Variants in TUSC3 observed in about 807,000 individuals in gnomAD.
TUSC3 encodes the protein tumor suppressor candidate 3.
In TUSC3, 45 loss-of-function variants were observed where a neutral mutation model predicts 44.8. The observed-to-expected ratio is 1.00, with a 90% CI of 0.79 to 1.29. The LOEUF (loss-of-function observed/expected upper bound fraction) is 1.29. Ranked by LOEUF, TUSC3 falls within the 50% of genes most tolerant of loss-of-function variation. The pLI is 0.00. For synonymous variants in TUSC3, 212 were observed against 152.9 expected, an observed-to-expected ratio of 1.39 and a Z score of -2.85; for missense variants, 519 against 437.9, an observed-to-expected ratio of 1.19 and a Z score of -1.65.
intron 2 of TUSC3, among the ~76,000 whole-genome samples, chr8:15,503,577 A>G (rs1436385578): frequency 6.6e-6 from 1 of 152,092 alleles, no homozygotes. Context: ...GGTGGCTCAC[A>G]CCTGTAGCCC....
chr8:15,754,099 C>G (rs569776075), intron 9 of TUSC3, among the ~76,000 whole-genome samples: 2 of 152,134 alleles, frequency 1.3e-5, no homozygotes, highest in African/African-American at 4.8e-5. Context: ...GTTTTAAAAA[C>G]TACTCACATC....
chr8:15,630,518 T>C (rs1364765592), intron 2 of TUSC3, among the ~76,000 whole-genome samples: 1 of 152,168 alleles, frequency 6.6e-6, no homozygotes, highest in Non-Finnish European at 1.5e-5. Context: ...ACTCGTTTTA[T>C]AAATGAGAAT....
intron 6 of TUSC3, among the ~76,000 whole-genome samples, chr8:15,688,302 A>C (rs1403493688): frequency 1.3e-5 from 2 of 152,218 alleles, no homozygotes; most frequent in African/African-American, 4.8e-5. Flanking sequence ...AACTCAGAAA[A>C]ATTGTTTTCA....
the TUSC3 span, chr8:15,807,030 A>G: frequency 7.0e-7 from 1 of 1,430,052 alleles, no homozygotes; most frequent in Non-Finnish European, 9.8e-7. Context: ...CAGACCCTGT[A>G]AATCCTGGTT....
At chr8:15,488,063 G>A (rs563718456) in intron 2 of TUSC3, among the ~76,000 whole-genome samples, 13 of 152,064 alleles carry the variant, frequency 8.5e-5, no homozygotes, top group African/African-American at 3.1e-4. Flanking sequence ...TCTATAAAAT[G>A]ATATGCATTT....
intron 6 of TUSC3, among the ~76,000 whole-genome samples, chr8:15,688,113 T>G (rs1056598227): frequency 1.3e-5 from 2 of 152,144 alleles, no homozygotes; most frequent in South Asian, 2.1e-4. Context: ...TTAGGAAAAT[T>G]GTGTAGTACA....
intron 1 of TUSC3, among the ~76,000 whole-genome samples, chr8:15,554,037 G>T (rs1368085803): frequency 6.6e-6 from 1 of 151,474 alleles, no homozygotes; most frequent in African/African-American, 2.4e-5. Context: ...CAAGATCAAG[G>T]TGACCTCAGA....
chr8:15,741,391 G>A (rs1007547479), intron 7 of TUSC3, among the ~76,000 whole-genome samples: 12 of 152,114 alleles, frequency 7.9e-5, no homozygotes, highest in African/African-American at 2.9e-4. Context: ...CATCTTAAAT[G>A]CCATTTATGT....
At chr8:15,756,713 G>C (rs1053555906) in intron 9 of TUSC3, among the ~76,000 whole-genome samples, 1 of 152,122 alleles carries the variant, frequency 6.6e-6, no homozygotes, top group Non-Finnish European at 1.5e-5. Flanking sequence ...TACAAATACA[G>C]TGAGGCTTAT....
intron 5 of TUSC3, among the ~76,000 whole-genome samples, chr8:15,669,135 A>G (rs1436125020): frequency 1.3e-5 from 2 of 151,796 alleles, no homozygotes; most frequent in African/African-American, 4.8e-5. Context: ...GATTAGGGTG[A>G]TAACACATCA....
intron 1 of TUSC3, among the ~76,000 whole-genome samples, chr8:15,479,193 A>G (rs553959553): frequency 1.8e-4 from 27 of 152,294 alleles, no homozygotes; most frequent in Non-Finnish European, 3.5e-4. Flanking sequence ...GACCTTTGTC[A>G]GATGGGTAGA....
intron 2 of TUSC3, among the ~76,000 whole-genome samples, chr8:15,646,793 T>C (rs1158055625): frequency 1.3e-5 from 2 of 152,168 alleles, no homozygotes; most frequent in African/African-American, 4.8e-5. Flanking sequence ...TTCTGTTGTT[T>C]TTAAAAAATA....
intron 1 of TUSC3, among the ~76,000 whole-genome samples, chr8:15,616,861 C>G (rs1805007368): frequency 6.6e-6 from 1 of 152,094 alleles, no homozygotes. Context: ...CGCCGCATGC[C>G]TGGCCCAGCC....
chr8:15,622,309 T>C (rs1275946875), intron 1 of TUSC3, among the ~76,000 whole-genome samples: 1 of 152,156 alleles, frequency 6.6e-6, no homozygotes, highest in Non-Finnish European at 1.5e-5. Context: ...TTCTTTCTTT[T>C]TTTTTAGAGA....
At chr8:15,544,126 T>C (rs1350531391) in intron 1 of TUSC3, among the ~76,000 whole-genome samples, 1 of 152,196 alleles carries the variant, frequency 6.6e-6, no homozygotes, top group African/African-American at 2.4e-5. Context: ...CATTAAAAAC[T>C]GATTTTTGAA....
chr8:15,461,859 AATTTT>A (rs1479365611), intron 1 of TUSC3, among the ~76,000 whole-genome samples: 5 of 152,028 alleles, frequency 3.3e-5, no homozygotes, highest in Non-Finnish European at 5.9e-5. Context: ...AATAATATAC[AATTTT>A]ATTTTAAAAT....
rs542098581 is a variant in TUSC3 at position 15,444,553 on chromosome 8, G to A, written n.91+27248G>A. Among the ~76,000 whole-genome samples the A allele has an allele frequency of 9.2e-5, 14 of 152,218 alleles. No individual in the cohort carries two copies. In the South Asian group the frequency reaches 2.9e-3, roughly 32 times the overall value. ...GAAGATGACGAACCTGATCAGATAG[G>A]GAGAGTGGGGAATTATGGCTAAATT... is the stretch of plus-strand genomic sequence containing the variant. On this transcript the variant is annotated intron_variant and non_coding_transcript_variant, in intron 1 of 5. Coordinates refer to the TUSC3 transcript ENST00000503191.
At chr8:15,578,095 T>C (rs1803185632) in intron 1 of TUSC3, among the ~76,000 whole-genome samples, 2 of 150,524 alleles carry the variant, frequency 1.3e-5, no homozygotes, top group South Asian at 4.2e-4. Context: ...GGGAGTTCAC[T>C]CATGATTTGG....
At chr8:15,687,892 C>G (rs2129188260) in intron 6 of TUSC3, among the ~76,000 whole-genome samples, 1 of 151,834 alleles carries the variant, frequency 6.6e-6, no homozygotes, top group African/African-American at 2.4e-5. Context: ...TAATTAAAAC[C>G]ACATGCACAG....
Sources: allele counts gnomAD v4.1 joint callset (sites outside exome capture counted in the v4.1 genomes callset), GRCh38; gene constraint gnomAD v4.1.1; transcripts MANE v1.5; gene names NCBI Gene and HGNC (gene_info 2026-07-23, HGNC 2026-07-21).